DOCK1: variants seen among roughly 807,000 people sequenced by gnomAD.
The protein encoded by DOCK1 is dedicator of cytokinesis 1.
A neutral mutation model predicts 262.7 loss-of-function variants in DOCK1; 138 were observed. The ratio of observed to expected loss-of-function variants is 0.53; its 90% CI spans 0.46 to 0.61. DOCK1 has a LOEUF of 0.61. DOCK1 is among the 20% of genes least tolerant of loss of function. DOCK1 has a pLI of 0.00. For synonymous variants in DOCK1, 866 were observed against 867.4 expected, an observed-to-expected ratio of 1.00 and a Z score of 0.03; for missense variants, 1,908 against 2,370.7, an observed-to-expected ratio of 0.80 and a Z score of 4.05.
chr10:127,376,236 T>C (rs2065481508), intron 35 of DOCK1, among the ~76,000 whole-genome samples: 1 of 152,174 alleles, frequency 6.6e-6, no homozygotes, highest in South Asian at 2.1e-4. Flanking sequence ...CTCACAGAAA[T>C]CATCAAGAAG....
At chr10:127,049,909 T>C (rs960290463) in intron 21 of DOCK1, among the ~76,000 whole-genome samples, 3 of 149,924 alleles carry the variant, frequency 2.0e-5, no homozygotes, top group East Asian at 2.0e-4. Flanking sequence ...AGATTCACAA[T>C]AGACCTTCGA....
intron 31 of DOCK1, among the ~76,000 whole-genome samples, chr10:127,343,951 C>T (rs905545700): frequency 6.6e-6 from 1 of 152,182 alleles, no homozygotes; most frequent in Non-Finnish European, 1.5e-5. Context: ...CTGGAAGGTT[C>T]CAGGTCAGTG....
intron 23 of DOCK1, among the ~76,000 whole-genome samples, chr10:127,077,046 A>G (rs1334156316): frequency 6.6e-6 from 1 of 152,096 alleles, no homozygotes; most frequent in African/African-American, 2.4e-5. Context: ...CTTGAAAGAA[A>G]ATGTCAGGGT....
Position 127,236,500 on chromosome 10 carries a change from GTTTTTTTTTTTTTTT to G in DOCK1, c.2848-11497_2848-11483del, listed in dbSNP as rs771387854. On this transcript the variant is annotated intron_variant, in intron 27 of 51. Transcript: ENST00000623213. ...TGCACATTGATCCTTCTTGACACGG[GTTTTTTTTTTTTTTT>G]TTTTTTTTTTGAAATCAGTTAACCC... Among the ~76,000 whole-genome samples the G allele has an allele frequency of 1.2e-3, 81 of 66,798 alleles. 1 individual carries two copies. The highest frequency in any genetic ancestry group is 4.2e-3 in the African/African-American group (73 of 17,192). The allele number at this position is 66,798 out of a possible 152,430, so 43.8% of individuals were successfully genotyped here. A position where few individuals can be genotyped will look rare whatever the true frequency, so the allele number is the denominator to read the frequency against.
chr10:127,044,450 T>C (rs2044212394), intron 21 of DOCK1, among the ~76,000 whole-genome samples: 1 of 152,174 alleles, frequency 6.6e-6, no homozygotes, highest in African/African-American at 2.4e-5. Context: ...TTTTGTTCGC[T>C]GAGTGGAGAT....
chr10:127,156,907 T>C (rs2053141942), intron 27 of DOCK1, among the ~76,000 whole-genome samples: 1 of 152,208 alleles, frequency 6.6e-6, no homozygotes, highest in Admixed American at 6.5e-5. Flanking sequence ...GAAAAGACTT[T>C]ACTGCAGTCA....
intron 27 of DOCK1, among the ~76,000 whole-genome samples, chr10:127,232,441 A>G (rs557742183): frequency 6.4e-4 from 97 of 152,154 alleles, no homozygotes; most frequent in African/African-American, 2.2e-3. Context: ...CCGGGAGGTG[A>G]TGTGGGGCTG....
At chr10:127,247,330 C>A (rs1444662952) in intron 27 of DOCK1, among the ~76,000 whole-genome samples, 2 of 152,168 alleles carry the variant, frequency 1.3e-5, no homozygotes, top group Admixed American at 1.3e-4. Context: ...TTCTGATGAG[C>A]CCACATTCCT....
At chr10:127,023,127 C>T in intron 13 of DOCK1, 73 bp from the exon 14 acceptor site, 1 of 1,522,540 alleles carries the variant, frequency 6.6e-7, no homozygotes. Flanking sequence ...GATAGGTAGA[C>T]AGTCTTGCAA....
chr10:126,945,438 AAG>A (rs1443202444), intron 1 of DOCK1, among the ~76,000 whole-genome samples: 216 of 150,910 alleles, frequency 1.4e-3, no homozygotes, highest in African/African-American at 5.0e-3. Flanking sequence ...GGGAGAGGGA[AAG>A]AGGGGAGAAG....
chr10:127,427,184 C>T (rs2068868008), intron 47 of DOCK1, among the ~76,000 whole-genome samples: 1 of 152,210 alleles, frequency 6.6e-6, no homozygotes, highest in South Asian at 2.1e-4. Context: ...TGCCTGCCGG[C>T]ACTGAGGGGG....
intron 32 of DOCK1, among the ~76,000 whole-genome samples, chr10:127,355,654 C>T (rs866816039): frequency 2.0e-5 from 3 of 152,188 alleles, no homozygotes; most frequent in Non-Finnish European, 4.4e-5. Context: ...GAATCTTTTC[C>T]TACTAGAAGG....
intron 23 of DOCK1, among the ~76,000 whole-genome samples, chr10:127,063,941 C>A (rs1460851018): frequency 3.3e-5 from 5 of 152,312 alleles, no homozygotes; most frequent in African/African-American, 1.2e-4. Flanking sequence ...TTAGGCATGT[C>A]ACCTCCCTTC....
At chr10:127,053,390 G>A (rs1224852567) in intron 22 of DOCK1, among the ~76,000 whole-genome samples, 1 of 152,166 alleles carries the variant, frequency 6.6e-6, no homozygotes, top group Non-Finnish European at 1.5e-5. Context: ...AAAACCAAGT[G>A]AAATTGCCTC....
At chr10:127,244,128 C>T (rs1473178454) in intron 27 of DOCK1, among the ~76,000 whole-genome samples, 1 of 152,022 alleles carries the variant, frequency 6.6e-6, no homozygotes, top group African/African-American at 2.4e-5. Context: ...TATAGGACCC[C>T]CAGTTCAGCT....
intron 6 of DOCK1, among the ~76,000 whole-genome samples, chr10:126,996,378 CAAAAAAAA>C (rs55841173): frequency 6.3e-5 from 6 of 95,568 alleles, no homozygotes; most frequent in Admixed American, 1.2e-4. Flanking sequence ...GAGACTGTCT[CAAAAAAAA>C]AAAAAAAAAA....
intron 29 of DOCK1, among the ~76,000 whole-genome samples, chr10:127,289,826 C>T (rs1397627004): frequency 6.6e-6 from 1 of 151,158 alleles, no homozygotes; most frequent in East Asian, 1.9e-4. Context: ...AACTCAATTA[C>T]AGATTTGTTA....
intron 38 of DOCK1, among the ~76,000 whole-genome samples, chr10:127,402,122 C>G (rs959768740): frequency 6.6e-6 from 1 of 152,098 alleles, no homozygotes; most frequent in Non-Finnish European, 1.5e-5. Context: ...GGATTAAGGT[C>G]CAGAGGTTTT....
At chr10:127,375,649 A>G (rs1281873169) in intron 35 of DOCK1, among the ~76,000 whole-genome samples, 1 of 152,250 alleles carries the variant, frequency 6.6e-6, no homozygotes, top group Non-Finnish European at 1.5e-5. Flanking sequence ...GTGCTTTGCC[A>G]TGAGGAACTT....
Sources: gnomAD v4.1 joint callset for allele counts (sites outside exome capture counted in the v4.1 genomes callset) on GRCh38, gnomAD v4.1.1 for gene constraint, MANE v1.5 for transcripts, NCBI Gene and HGNC (gene_info 2026-07-23, HGNC 2026-07-21) for gene names.